DYM: variants seen among roughly 807,000 people sequenced by gnomAD.
DYM encodes the protein dymeclin, also known as dyggve-Melchior-Clausen syndrome protein.
A neutral mutation model predicts 93.1 loss-of-function variants in DYM; 78 were observed. That is an observed-to-expected ratio of 0.84 (90% confidence interval 0.70 to 1.01). The LOEUF is 1.01. Among genes scored for constraint, DYM ranks in the 50% least tolerant of loss-of-function variants. The pLI is 0.00. For synonymous variants in DYM, 321 were observed against 319.7 expected (o/e 1.00, Z -0.04); for missense variants, 789 against 845.0 (o/e 0.93, Z 0.82).
rs769423170 is a variant in DYM at position 49,292,355 on chromosome 18, G to GACAGACACAC, written c.764-5740_764-5739insGTGTGTCTGT. Among the ~76,000 whole-genome samples, 97 of 84,734 alleles carry GACAGACACAC rather than the reference G, an allele frequency of 1.1e-3. 1 individual carries two copies. Among genetic ancestry groups the GACAGACACAC allele is most frequent in the East Asian group, 6.9e-3 (20 of 2,914 alleles). 55.6% of individuals were successfully genotyped at this position (84,734 alleles called of 152,430 possible). A position where few individuals can be genotyped will look rare whatever the true frequency, so the allele number is the denominator to read the frequency against. ...AGGCAGGCAGACAGACAGACAGACAGACACACACACACACACACACACACA... is the reference window on the plus strand; with the variant it reads ...AGGCAGGCAGACAGACAGACAGACAGACAGACACACACACACACACACACACACACACACA... On this transcript the variant is annotated intron_variant, in intron 8 of 17. Transcript: ENST00000675505.
At chr18:49,385,265 T>C (rs933618849) in intron 3 of DYM, among the ~76,000 whole-genome samples, 12 of 152,152 alleles carry the variant, frequency 7.9e-5, no homozygotes, top group African/African-American at 1.9e-4. Flanking sequence ...TGGCAAACGT[T>C]TTTCCTCATC....
intron 14 of DYM, among the ~76,000 whole-genome samples, chr18:49,196,719 T>C (rs1302675461): frequency 2.0e-5 from 3 of 152,098 alleles, no homozygotes; most frequent in Admixed American, 6.5e-5. Flanking sequence ...ACAATTGATA[T>C]GGCTAGAGAA....
intron 10 of DYM, among the ~76,000 whole-genome samples, chr18:49,272,947 A>G (rs913339464): frequency 2.0e-5 from 3 of 152,128 alleles, no homozygotes; most frequent in African/African-American, 7.2e-5. Context: ...AGATGGGCAG[A>G]CTATCTACAT....
In DYM at chr18:49,310,542, T is replaced by C. The variant is rs1053778003; in HGVS notation, c.763+21322A>G. Among the ~76,000 whole-genome samples the C allele has an allele frequency of 1.5e-4, 23 of 152,164 alleles. 1 individual carries two copies. The highest frequency in any genetic ancestry group is 1.4e-3 in the Admixed American group (21 of 15,270). Reference sequence around the variant, plus strand: ...TGTATGTATATTTGCCACACATACATAGAAGATATATCAAACTATTAACCA... The same window carrying C: ...TGTATGTATATTTGCCACACATACACAGAAGATATATCAAACTATTAACCA... On this transcript the variant is annotated intron_variant, in intron 8 of 17. Coordinates refer to ENST00000675505, the MANE Select transcript of DYM (RefSeq NM_001353214.3).
chr18:49,365,410 A>G (rs2066429975), intron 5 of DYM, among the ~76,000 whole-genome samples: 1 of 152,116 alleles, frequency 6.6e-6, no homozygotes. Flanking sequence ...TGGCTCTATT[A>G]TTAGTGAAGA....
intron 14 of DYM, among the ~76,000 whole-genome samples, chr18:49,197,367 G>T (rs1471314571): frequency 1.3e-5 from 2 of 151,904 alleles, no homozygotes; most frequent in African/African-American, 4.8e-5. Flanking sequence ...CAAAAGGGGG[G>T]GAAGAAAGCC....
intron 14 of DYM, among the ~76,000 whole-genome samples, chr18:49,170,983 CA>C (rs2088633525): frequency 1.3e-5 from 2 of 151,748 alleles, no homozygotes; most frequent in South Asian, 4.2e-4. Context: ...TAGGATTTAC[CA>C]AAAACAAACG....
chr18:49,165,826 A>C (rs1351549505), intron 14 of DYM, among the ~76,000 whole-genome samples: 1 of 152,284 alleles, frequency 6.6e-6, no homozygotes, highest in East Asian at 1.9e-4. Context: ...TACTCCAGTG[A>C]AGTTTCATGA....
chr18:49,425,564 A>G (rs1242587527), intron 2 of DYM, among the ~76,000 whole-genome samples: 1 of 152,130 alleles, frequency 6.6e-6, no homozygotes, highest in Non-Finnish European at 1.5e-5. Context: ...TCAACTAAAG[A>G]GCTTCTGCAC....
chr18:49,109,308 T>G, intron 16 of DYM, among the ~76,000 whole-genome samples: 1 of 152,238 alleles, frequency 6.6e-6, no homozygotes, highest in East Asian at 1.9e-4. Flanking sequence ...ATTCTGCTTT[T>G]CCTGCCTGCC....
chr18:49,054,925 G>A (rs1456920820), intron 17 of DYM, among the ~76,000 whole-genome samples: 1 of 152,224 alleles, frequency 6.6e-6, no homozygotes, highest in Non-Finnish European at 1.5e-5. Context: ...ACAAACCATC[G>A]TATCATTGGC....
intron 8 of DYM, among the ~76,000 whole-genome samples, chr18:49,311,659 T>C (rs947567318): frequency 2.2e-5 from 3 of 137,052 alleles, no homozygotes; most frequent in African/African-American, 5.5e-5. Context: ...TTCTCACTCA[T>C]AGGTGGGAAC....
intron 1 of DYM, among the ~76,000 whole-genome samples, chr18:49,433,437 G>T (rs2080519499): frequency 6.6e-6 from 1 of 152,138 alleles, no homozygotes; most frequent in African/African-American, 2.4e-5. Flanking sequence ...CAAAAATTGT[G>T]AGTTAACTCT....
intron 1 of DYM, among the ~76,000 whole-genome samples, chr18:49,440,400 C>CT (rs1235725245): frequency 7.8e-5 from 9 of 114,954 alleles, no homozygotes; most frequent in Non-Finnish European, 1.3e-4. Flanking sequence ...TATAATATAG[C>CT]ATATTATATA....
At chr18:49,060,628 G>GGGGGGAGAGA (rs1392843570) in intron 17 of DYM, among the ~76,000 whole-genome samples, 5 of 130,452 alleles carry the variant, frequency 3.8e-5, no homozygotes, top group African/African-American at 1.4e-4. Context: ...AGAGAAGGGA[G>GGGGGGAGAGA]GGGGGAGAGA....
intron 13 of DYM, among the ~76,000 whole-genome samples, chr18:49,245,503 G>A (rs377743508): frequency 3.9e-4 from 59 of 152,240 alleles, no homozygotes; most frequent in African/African-American, 1.3e-3. Context: ...GTCTTATGCC[G>A]TTGAGATAAG....
chr18:49,267,562 T>C (rs1169849649), intron 11 of DYM, among the ~76,000 whole-genome samples: 4 of 152,168 alleles, frequency 2.6e-5, no homozygotes, highest in African/African-American at 9.7e-5. Flanking sequence ...ATGAGCGATA[T>C]AATTCTGTGG....
At chr18:49,341,061 T>G (rs1266253069) in intron 6 of DYM, among the ~76,000 whole-genome samples, 2 of 152,250 alleles carry the variant, frequency 1.3e-5, no homozygotes. Context: ...CAAATCACTA[T>G]TGCAGCACTT....
At chr18:49,045,972 A>G (rs1042581958) in intron 17 of DYM, among the ~76,000 whole-genome samples, 4 of 152,180 alleles carry the variant, frequency 2.6e-5, no homozygotes, top group African/African-American at 7.2e-5. Context: ...AGGCAGAGGC[A>G]GGAGCCTAGT....
Sources: gnomAD v4.1 joint callset for allele counts (sites outside exome capture counted in the v4.1 genomes callset) on GRCh38, gnomAD v4.1.1 for gene constraint, MANE v1.5 for transcripts, NCBI Gene and HGNC (gene_info 2026-07-23, HGNC 2026-07-21) for gene names.